The following EBAG9 variants were observed in gnomAD, a reference collection of about 807,000 sequenced individuals.
EBAG9 encodes estrogen receptor binding site associated antigen 9.
EBAG9 carries 16 observed loss-of-function variants against 30.9 expected under a neutral mutation model. The observed-to-expected ratio is 0.52, with a 90% CI of 0.35 to 0.79. EBAG9 has a LOEUF of 0.79. Ranked by LOEUF, EBAG9 falls within the 30% of genes least tolerant of loss-of-function variation. EBAG9 has a pLI of 0.01. For missense variants in EBAG9, 197 were observed against 242.1 expected, an observed-to-expected ratio of 0.81 and a Z score of 1.24; for synonymous variants, 93 against 82.8, an observed-to-expected ratio of 1.12 and a Z score of -0.67.
chr8:109,545,255 G>A (rs1244878708), intron 1 of EBAG9, among the ~76,000 whole-genome samples: 1 of 142,706 alleles, frequency 7.0e-6, no homozygotes, highest in Non-Finnish European at 1.5e-5. Context: ...CCGGGAAGCG[G>A]AAGTTGCGGT....
chr8:109,564,764 A>G lies in EBAG9; in HGVS notation c.*205A>G, dbSNP rs1821786740. 3.9e-6 allele frequency: 2 copies of G among 517,030 alleles called. No homozygotes were observed. Among genetic ancestry groups the G allele is most frequent in the Non-Finnish European group, 6.5e-6 (2 of 308,916 alleles). 32.0% of individuals were successfully genotyped at this position (517,030 alleles called of 1,614,324 possible). On this transcript the variant is annotated 3_prime_UTR_variant, in exon 7 of 7. Transcript: ENST00000337573. ...AAAAAAACAAAAAAGACTTGAGACAATGTTTTCTTCAACATGCTCCAAATA... is the reference window on the plus strand; with the variant it reads ...AAAAAAACAAAAAAGACTTGAGACAGTGTTTTCTTCAACATGCTCCAAATA...
chr8:109,559,278 G>T (rs565255269), intron 5 of EBAG9, among the ~76,000 whole-genome samples: 1 of 151,982 alleles, frequency 6.6e-6, no homozygotes, highest in East Asian at 1.9e-4. Context: ...GCAACATGGC[G>T]AAATCCCCCC....
rs1453187379 is a variant in EBAG9 at position 109,565,079 on chromosome 8, T to C, written c.*520T>C. The C allele has an allele frequency of 6.6e-6, 1 of 152,548 alleles. No homozygotes were observed. Among genetic ancestry groups the C allele is most frequent in the African/African-American group, 2.4e-5 (1 of 41,454 alleles). 9.4% of individuals were successfully genotyped at this position (152,548 alleles called of 1,614,324 possible). On this transcript the variant is annotated 3_prime_UTR_variant, in exon 7 of 7. Coordinates refer to ENST00000337573, the MANE Select transcript of EBAG9 (RefSeq NM_004215.5). ...TTCCCTCTAATTTGAACTGGTATTGTTTACGTTTGATACAACATTAAGGAA... is the reference window on the plus strand; with the variant it reads ...TTCCCTCTAATTTGAACTGGTATTGCTTACGTTTGATACAACATTAAGGAA...
intron 6 of EBAG9, among the ~76,000 whole-genome samples, chr8:109,563,927 T>G (rs1821762634): frequency 6.6e-6 from 1 of 151,960 alleles, no homozygotes; most frequent in African/African-American, 2.4e-5. Flanking sequence ...AAGGTGTATC[T>G]TAAGTTTCCA....
At chr8:109,539,843 TGAGCGCGCCTTGTGTGCGCGCGC>T (rs896567602), upstream of EBAG9, 8 of 152,034 alleles carry the variant, frequency 5.3e-5, no homozygotes, top group East Asian at 2.0e-4. Context: ...GCAGCGCGCG[TGAGCGCGCCTTGTGTGCGCGCGC>T]GGCCCGCGGC....
chr8:109,539,898 G>C (rs916145260), upstream of EBAG9: 1 of 152,282 alleles, frequency 6.6e-6, no homozygotes, highest in Non-Finnish European at 1.5e-5. Flanking sequence ...TCCGCCGGGC[G>C]GGCGGGGAGG....
chr8:109,549,918 CCTTTTA>C (rs2131109513), intron 1 of EBAG9, among the ~76,000 whole-genome samples: 1 of 152,086 alleles, frequency 6.6e-6, no homozygotes, highest in East Asian at 1.9e-4. Flanking sequence ...TTTCTCCTAT[CCTTTTA>C]CTTTTAACCT....
chr8:109,564,658 C>T lies in EBAG9; in HGVS notation c.*99C>T. On this transcript the variant is annotated 3_prime_UTR_variant, in exon 7 of 7. Transcript: ENST00000337573. ...AAGAGTATTTTAAGAAGACATACTG[C>T]TTGATTTTAATACATTGATCAGGCC... 1 of 1,508,650 alleles carries T rather than the reference C, an allele frequency of 6.6e-7. No homozygotes were observed. Among genetic ancestry groups the T allele is most frequent in the Non-Finnish European group, 9.0e-7 (1 of 1,114,010 alleles). 93.5% of individuals were successfully genotyped at this position (1,508,650 alleles called of 1,614,324 possible).
intron 6 of EBAG9, 96 bp from the exon 7 acceptor site, chr8:109,564,343 G>C (rs1821772859): frequency 6.9e-7 from 1 of 1,440,444 alleles, no homozygotes; most frequent in African/African-American, 1.4e-5. Flanking sequence ...CATTTTATTT[G>C]GTGATAATAA....
At position 109,557,079 on chromosome 8, in the gene EBAG9, G is replaced by T. The variant is rs372226082; in HGVS notation, c.429+37G>T. ...AATGGTTCTAGGGAAGGGTTTTGTT[G>T]TATTTCTGTTTTCTTTAAAGCAGAG... On this transcript the variant is annotated intron_variant, in intron 5 of 6. Transcript: ENST00000337573. The T allele has an allele frequency of 2.8e-5, 38 of 1,341,324 alleles. No individual in the cohort carries two copies. The African/African-American group carries it at 5.3e-4, about 19-fold the overall frequency. 83.1% of individuals were successfully genotyped at this position (1,341,324 alleles called of 1,614,324 possible).
chr8:109,553,046 G>A (rs190921293), intron 2 of EBAG9, among the ~76,000 whole-genome samples: 5 of 150,616 alleles, frequency 3.3e-5, no homozygotes, highest in East Asian at 1.9e-4. Flanking sequence ...TGACTTTATC[G>A]TTCTTAGTTC....
chr8:109,548,335 A>G (rs1033072551), intron 1 of EBAG9, among the ~76,000 whole-genome samples: 2 of 151,434 alleles, frequency 1.3e-5, no homozygotes, highest in African/African-American at 4.9e-5. Flanking sequence ...TTTACTTTCC[A>G]TTGATCTATT....
At chr8:109,543,190 T>G (rs910438732) in intron 1 of EBAG9, among the ~76,000 whole-genome samples, 2 of 141,264 alleles carry the variant, frequency 1.4e-5, no homozygotes, top group African/African-American at 2.5e-5. Flanking sequence ...CTTTTCATCC[T>G]GTCAATTAGT....
chr8:109,563,509 T>C (rs962860879), intron 6 of EBAG9: 1 of 1,596,902 alleles, frequency 6.3e-7, no homozygotes, highest in Non-Finnish European at 8.5e-7. Context: ...TCTGGGTCAG[T>C]GGAGTTACGG....
intron 6 of EBAG9, 77 bp from the exon 7 acceptor site, chr8:109,564,362 T>C: frequency 1.9e-6 from 3 of 1,547,756 alleles, no homozygotes; most frequent in Non-Finnish European, 2.6e-6. Context: ...AAAAAGGCAC[T>C]GCTATTTCTT....
chr8:109,550,798 C>T lies in EBAG9; in HGVS notation c.-15-12C>T, dbSNP rs1458225871. ...AATTTAATGCATTTTTTGTTTTGTG[C>T]CTCTTCCACAGGTTTTGATTCCCAC... On this transcript the variant is annotated splice_polypyrimidine_tract_variant and intron_variant, in intron 1 of 6. Transcript: ENST00000337573. 3 of 1,520,708 alleles carry T rather than the reference C, an allele frequency of 2.0e-6. No homozygotes were observed. Among genetic ancestry groups the T allele is most frequent in the African/African-American group, 1.4e-5 (1 of 72,736 alleles). 94.2% of individuals were successfully genotyped at this position (1,520,708 alleles called of 1,614,324 possible).
intron 1 of EBAG9, among the ~76,000 whole-genome samples, chr8:109,546,015 T>C (rs1202014290): frequency 2.0e-5 from 3 of 152,238 alleles, no homozygotes; most frequent in East Asian, 3.8e-4. Flanking sequence ...TTATGAAATA[T>C]AAAGTAAGCT....
intron 5 of EBAG9, chr8:109,557,955 G>T (rs1586693521): frequency 4.5e-6 from 1 of 223,316 alleles, no homozygotes; most frequent in East Asian, 1.2e-4. Context: ...TTGCTCATGG[G>T]TGAGGGTGAC....
Position 109,547,615 on chromosome 8 carries a change from G to A in EBAG9, c.-15-3195G>A, listed in dbSNP as rs182554862. On this transcript the variant is annotated intron_variant, in intron 1 of 6. Transcript: ENST00000337573. ...CCTGCCTCAGCCTCCTGAGTAGCTG[G>A]GACTACAGGTGCCCGCGACCATGCC... 2.2e-4 allele frequency among the ~76,000 whole-genome samples: 33 copies of A among 151,954 alleles called. No homozygotes were observed. The East Asian group carries it at 5.4e-3, about 25-fold the overall frequency.
Sources: gnomAD v4.1 joint callset for allele counts (sites outside exome capture counted in the v4.1 genomes callset) on GRCh38, gnomAD v4.1.1 for gene constraint, MANE v1.5 for transcripts, NCBI Gene and HGNC (gene_info 2026-07-23, HGNC 2026-07-21) for gene names.